TOP2B: variants seen among roughly 807,000 people sequenced by gnomAD.
The protein encoded by TOP2B is DNA topoisomerase II beta, also known as DNA topoisomerase 2-beta.
TOP2B carries 51 observed loss-of-function variants against 193.5 expected under a neutral mutation model. The observed-to-expected ratio is 0.26, with a 90% CI of 0.21 to 0.33. The LOEUF is 0.33. TOP2B is among the 10% of genes least tolerant of loss of function. The pLI, the probability that TOP2B is intolerant of heterozygous loss-of-function variation, is 1.00. For synonymous variants in TOP2B, 634 were observed against 635.7 expected, an observed-to-expected ratio of 1.00 and a Z score of 0.04; for missense variants, 1,378 against 1,909.3, an observed-to-expected ratio of 0.72 and a Z score of 5.19.
In TOP2B at chr3:25,609,263, T is replaced by C; in HGVS notation, c.4013A>G (p.Asp1338Gly). 1 of 1,604,510 alleles carries C rather than the reference T, an allele frequency of 6.2e-7. No individual in the cohort carries two copies. The highest frequency in any genetic ancestry group is 1.1e-5 in the South Asian group (1 of 89,528). ...KVKKRNPWSD[D>G]ESKSESDLEE... is the part of the protein sequence containing the mutation. ...CAAATCACTTTCTGACTTGGATTCA[T>C]CATCTGACCAAGGATTCCGTTTCTT... The change falls in exon 30 of 36, where the codon GAT (aspartate) becomes GGT (glycine). Residue 1338 changes from aspartate (D) to glycine (G), a missense_variant. Around this residue, in one of 9 missense-constraint regions of TOP2B, gnomAD observed 556 missense variants for 584.2 expected, o/e 0.95. Transcript: ENST00000264331.
chr3:25,633,473 A>G (rs1306856542), intron 8 of TOP2B, among the ~76,000 whole-genome samples: 1 of 152,138 alleles, frequency 6.6e-6, no homozygotes, highest in Non-Finnish European at 1.5e-5. Flanking sequence ...AGGAGTTTTT[A>G]CAGAGCTTTA....
At chr3:25,618,876 A>T (rs1157319155) in intron 23 of TOP2B, 27 bp from the exon 24 acceptor site, 1 of 1,523,990 alleles carries the variant, frequency 6.6e-7, no homozygotes, top group South Asian at 1.2e-5. Flanking sequence ...TACTTTGCAG[A>T]TCATATAGAT....
Position 25,609,756 on chromosome 3 carries a change from C to T in TOP2B, c.3787-44G>A, listed in dbSNP as rs1485539109. 3 of 1,423,542 alleles carry T rather than the reference C, an allele frequency of 2.1e-6. No individual in the cohort carries two copies. In the African/African-American group the frequency reaches 4.4e-5, roughly 21 times the overall value. The allele number at this position is 1,423,542 out of a possible 1,614,324, so 88.2% of individuals were successfully genotyped here. ...ATCAAGCCACGAGTAAAAATAAAAA[C>T]ATCACATATTTTAGAGATAGTTTCA... On this transcript the variant is annotated intron_variant, in intron 28 of 35. Transcript: ENST00000264331.
At chr3:25,610,918 T>C (rs1702353177) in intron 28 of TOP2B, among the ~76,000 whole-genome samples, 4 of 152,144 alleles carry the variant, frequency 2.6e-5, no homozygotes, top group Admixed American at 2.6e-4. Flanking sequence ...AATTACTTAG[T>C]AGGCAGTCAA....
intron 1 of TOP2B, among the ~76,000 whole-genome samples, chr3:25,648,650 G>A (rs947949139): frequency 7.9e-5 from 12 of 152,112 alleles, no homozygotes; most frequent in African/African-American, 2.9e-4. Context: ...TGAGCCCAGA[G>A]CTCAAAACCA....
chr3:25,626,752 C>T lies in TOP2B; in HGVS notation c.2109+20G>A. The T allele has an allele frequency of 6.3e-7, 1 of 1,582,266 alleles. No homozygotes were observed. Among genetic ancestry groups the T allele is most frequent in the Non-Finnish European group, 8.6e-7 (1 of 1,156,434 alleles). ...TCTCTCTCTCCTTCTTTCCCCAGGT[C>T]ACCACTCTTTAAGACTAACCTCTGG... On this transcript the variant is annotated intron_variant, in intron 17 of 35. Transcript: ENST00000264331.
intron 7 of TOP2B, among the ~76,000 whole-genome samples, chr3:25,634,725 G>A (rs1487335728): frequency 2.0e-5 from 3 of 148,282 alleles, no homozygotes; most frequent in African/African-American, 2.5e-5. Context: ...GGTGCTAGCT[G>A]GGAGACAGAA....
chr3:25,598,157 A>G lies in TOP2B; in HGVS notation c.*150T>C, dbSNP rs1227807673. ...AAGAGCATAAAACTGTATGTGTAAG[A>G]ACAAAATGTTAAAAGGCCTACCACA... On this transcript the variant is annotated 3_prime_UTR_variant, in exon 36 of 36. Transcript: ENST00000264331. The G allele has an allele frequency of 1.3e-6, 1 of 760,002 alleles. No homozygotes were observed. Among genetic ancestry groups the G allele is most frequent in the Non-Finnish European group, 2.0e-6 (1 of 488,954 alleles). The allele number at this position is 760,002 out of a possible 1,614,324, so 47.1% of individuals were successfully genotyped here.
In TOP2B at chr3:25,609,556, A is replaced by G. The variant is rs1702317865; in HGVS notation, c.3931+12T>C. On this transcript the variant is annotated intron_variant, in intron 29 of 35. Transcript: ENST00000264331. ...TCTCTCACACACATGCAAAACTATA[A>G]TCATTTCTCACCAGGCTCCTTCTTC... 6.2e-7 allele frequency: 1 copy of G among 1,603,776 alleles called. No individual in the cohort carries two copies. The highest frequency in any genetic ancestry group is 8.5e-7 in the Non-Finnish European group (1 of 1,174,756).
At chr3:25,630,701 G>A (rs1022786894) in intron 11 of TOP2B, 100 bp downstream of exon 11, 98 of 1,148,410 alleles carry the variant, frequency 8.5e-5, no homozygotes, top group Non-Finnish European at 1.0e-4. Flanking sequence ...TACTCTGAAT[G>A]GAAAATCATA....
At chr3:25,604,905 TGTTATAAAGATCTCTCA>T (rs1318823994) in intron 32 of TOP2B, 35 bp from the exon 33 acceptor site, 1 of 1,487,586 alleles carries the variant, frequency 6.7e-7, no homozygotes, top group Non-Finnish European at 9.3e-7. Context: ...AGTAAAGAGA[TGTTATAAAGATCTCTCA>T]GTAAACTTTG....
chr3:25,612,268 C>T (rs1702390790), intron 28 of TOP2B, among the ~76,000 whole-genome samples: 2 of 152,088 alleles, frequency 1.3e-5, no homozygotes, highest in East Asian at 1.9e-4. Flanking sequence ...ACTTAGAAGG[C>T]AGCTGAGTGG....
chr3:25,623,430 T>C (rs1575571457), intron 21 of TOP2B, 85 bp downstream of exon 21: 3 of 1,225,240 alleles, frequency 2.4e-6, no homozygotes, highest in African/African-American at 1.5e-5. Context: ...AAAATAAAAA[T>C]GTTCCATTAC....
At chr3:25,639,643 A>G (rs1703203968) in intron 4 of TOP2B, among the ~76,000 whole-genome samples, 1 of 152,222 alleles carries the variant, frequency 6.6e-6, no homozygotes, top group African/African-American at 2.4e-5. Context: ...ATCCACAAAT[A>G]AATTGTTTCA....
intron 28 of TOP2B, among the ~76,000 whole-genome samples, chr3:25,611,315 T>G (rs1161156524): frequency 6.6e-6 from 1 of 152,158 alleles, no homozygotes; most frequent in Non-Finnish European, 1.5e-5. Context: ...TGAACCTGTG[T>G]GCCGTGGGGA....
Position 25,638,311 on chromosome 3 carries a change from C to T in TOP2B, c.396-1G>A, listed in dbSNP as rs1192643483. ...CCAAATGCTTATAATGTTAGATTCA[C>T]TGTAAAAAAAAAAAAAAAAAAAAAA... is the stretch of plus-strand genomic sequence containing the variant. On this transcript the variant is annotated splice_acceptor_variant, in intron 4 of 35. Transcript: ENST00000264331. LOFTEE classifies it high-confidence loss of function. The T allele has an allele frequency of 9.3e-6, 1 of 107,248 alleles. No homozygotes were observed. Among genetic ancestry groups the T allele is most frequent in the Non-Finnish European group, 1.7e-5 (1 of 59,034 alleles). 6.6% of individuals were successfully genotyped at this position (107,248 alleles called of 1,614,324 possible).
At chr3:25,663,365 A>G (rs868042353) in intron 1 of TOP2B, among the ~76,000 whole-genome samples, 10 of 152,222 alleles carry the variant, frequency 6.6e-5, no homozygotes, top group Non-Finnish European at 1.3e-4. Context: ...TTTCTCCGAA[A>G]TACCTAGGTT....
chr3:25,632,638 G>GTA (rs1187462641), intron 9 of TOP2B, 55 bp from the exon 10 acceptor site: 30 of 1,602,994 alleles, frequency 1.9e-5, no homozygotes, highest in African/African-American at 1.5e-4. Context: ...TAGTAATTCA[G>GTA]TATATATATA....
At chr3:25,631,431 A>G (rs1702953253) in intron 10 of TOP2B, among the ~76,000 whole-genome samples, 1 of 152,106 alleles carries the variant, frequency 6.6e-6, no homozygotes, top group African/African-American at 2.4e-5. Context: ...TTGGTAATAA[A>G]GATTTCAACA....
Sources: allele counts gnomAD v4.1 joint callset (sites outside exome capture counted in the v4.1 genomes callset), GRCh38; gene constraint gnomAD v4.1.1; regional missense constraint gnomAD v4.1.1; transcripts MANE v1.5; gene names NCBI Gene and HGNC (gene_info 2026-07-23, HGNC 2026-07-21).